Variants in CPD observed in about 807,000 individuals in gnomAD.
The protein encoded by CPD is carboxypeptidase D.
In CPD, 69 loss-of-function variants were observed where a neutral mutation model predicts 138.3. The observed-to-expected ratio is 0.50, with a 90% CI of 0.41 to 0.61. The LOEUF (loss-of-function observed/expected upper bound fraction) is 0.61, where lower values mean the gene tolerates loss of function less well. Ranked by LOEUF, CPD falls within the 20% of genes least tolerant of loss-of-function variation. The pLI is 0.00. For synonymous variants in CPD, 651 were observed against 642.1 expected, an observed-to-expected ratio of 1.01 and a Z score of -0.21; for missense variants, 1,432 against 1,733.3, an observed-to-expected ratio of 0.83 and a Z score of 3.09.
At chr17:30,399,196 C>T (rs548740867) in intron 2 of CPD, among the ~76,000 whole-genome samples, 1 of 152,094 alleles carries the variant, frequency 6.6e-6, no homozygotes, top group South Asian at 2.1e-4. Flanking sequence ...GTAAGTTTGA[C>T]CTAGGTCAAA....
Position 30,464,905 on chromosome 17 carries a change from TG to T in CPD, c.*92del. 3.0e-6 allele frequency: 3 copies of T among 1,007,860 alleles called. No homozygotes were observed. Among genetic ancestry groups the T allele is most frequent in the Non-Finnish European group, 4.5e-6 (3 of 660,616 alleles). The allele number at this position is 1,007,860 out of a possible 1,614,324, so 62.4% of individuals were successfully genotyped here. ...ACTGCATTAAGAAGAGAGACTCTCT[TG>T]CTTCTTCAAAGAGCTTTGGGAAATT... On this transcript the variant is annotated 3_prime_UTR_variant, in exon 21 of 21. Transcript: ENST00000225719.
intron 2 of CPD, among the ~76,000 whole-genome samples, chr17:30,399,042 T>A (rs897598777): frequency 2.6e-5 from 4 of 152,026 alleles, no homozygotes; most frequent in Non-Finnish European, 5.9e-5. Context: ...AATTGCCTTC[T>A]GAAAACAGTT....
intron 8 of CPD, among the ~76,000 whole-genome samples, chr17:30,434,675 G>C (rs1480559275): frequency 1.3e-5 from 2 of 152,020 alleles, no homozygotes; most frequent in East Asian, 3.9e-4. Flanking sequence ...TAGAAATGAA[G>C]AAGTGCTCCT....
chr17:30,437,950 T>C (rs1912748660), intron 8 of CPD, among the ~76,000 whole-genome samples: 1 of 150,362 alleles, frequency 6.7e-6, no homozygotes, highest in Admixed American at 6.6e-5. Flanking sequence ...TATTTTCCCA[T>C]CTCAGCCTCC....
chr17:30,466,541 C>T lies in CPD; in HGVS notation c.*1727C>T, dbSNP rs1156433877. The T allele has an allele frequency of 6.6e-6, 1 of 152,488 alleles. No individual in the cohort carries two copies. The highest frequency in any genetic ancestry group is 1.5e-5 in the Non-Finnish European group (1 of 68,002). 9.4% of individuals were successfully genotyped at this position (152,488 alleles called of 1,614,324 possible). On this transcript the variant is annotated 3_prime_UTR_variant, in exon 21 of 21. Coordinates refer to ENST00000225719, the MANE Select transcript of CPD (RefSeq NM_001304.5). ...CTGCCACCTCATACATGGAACAGAG[C>T]TTGTGGGATGCTAATAGTTAGTGAA...
At chr17:30,419,223 A>G (rs1409598924) in intron 2 of CPD, among the ~76,000 whole-genome samples, 1 of 152,110 alleles carries the variant, frequency 6.6e-6, no homozygotes, top group Non-Finnish European at 1.5e-5. Flanking sequence ...TTCTTTGATG[A>G]ACTCCTAATA....
chr17:30,444,906 G>A (rs776588767), intron 11 of CPD, among the ~76,000 whole-genome samples: 11 of 152,088 alleles, frequency 7.2e-5, no homozygotes, highest in Non-Finnish European at 1.6e-4. Flanking sequence ...CTAGTGGTCC[G>A]TAAATGAATG....
At chr17:30,421,396 C>T (rs1912262835) in intron 3 of CPD, among the ~76,000 whole-genome samples, 1 of 152,158 alleles carries the variant, frequency 6.6e-6, no homozygotes, top group Non-Finnish European at 1.5e-5. Context: ...CCAGCAGTTA[C>T]ACCTTGTTGA....
chr17:30,420,769 T>A (rs1177187250), intron 2 of CPD, 72 bp from the exon 3 acceptor site: 1 of 1,383,972 alleles, frequency 7.2e-7, no homozygotes, highest in African/African-American at 1.4e-5. Context: ...ATGGCTGATT[T>A]AATTTCTTCA....
intron 2 of CPD, among the ~76,000 whole-genome samples, chr17:30,418,729 C>T (rs1041641053): frequency 1.3e-5 from 2 of 152,088 alleles, no homozygotes; most frequent in South Asian, 2.1e-4. Flanking sequence ...AAACAAAACG[C>T]TTGGCGTTAT....
In CPD at chr17:30,449,623, C is replaced by G; in HGVS notation, c.2944C>G (p.Pro982Ala). The change falls in exon 13 of 21, where the codon CCT becomes GCT. Residue 982 changes from proline (P) to alanine (A), a missense_variant. Coordinates refer to ENST00000225719, the MANE Select transcript of CPD (RefSeq NM_001304.5). ...EISNKPNVSE[P>A]EEPKIRFVAG... is the part of the protein sequence containing the mutation. ...CTCCAATAAGCCCAATGTATCTGAG[C>G]CTGAAGAACCAAAGATTCGTTTTGT... 6.2e-7 allele frequency: 1 copy of G among 1,611,108 alleles called. No homozygotes were observed. Among genetic ancestry groups the G allele is most frequent in the Non-Finnish European group, 8.5e-7 (1 of 1,179,344 alleles).
At position 30,423,565 on chromosome 17, in the gene CPD, C is replaced by T; in HGVS notation, c.1717C>T (p.Leu573=). 6.2e-7 allele frequency: 1 copy of T among 1,610,122 alleles called. No individual in the cohort carries two copies. Among genetic ancestry groups the T allele is most frequent in the Non-Finnish European group, 8.5e-7 (1 of 1,178,418 alleles). ...TGGAAATGAAGTGGTTGGAAGAGAA[C>T]TGCTGTTGAACCTCATAGAATACCT... ...MHGNEVVGRE[L]LLNLIEYLCK... is the part of the protein sequence containing the mutation. The change falls in exon 6 of 21, where the codon CTG becomes TTG. Residue 573 remains leucine (L), a synonymous_variant. Transcript: ENST00000225719.
In CPD at chr17:30,455,485, A is replaced by G; in HGVS notation, c.3337+15A>G. 1 of 1,606,032 alleles carries G rather than the reference A, an allele frequency of 6.2e-7. No individual in the cohort carries two copies. The highest frequency in any genetic ancestry group is 1.1e-5 in the South Asian group (1 of 89,320). ...AGTACAGACAGGTATGTAGAATGTC[A>G]TTTTATATATATACTGTTTAAGCTT... On this transcript the variant is annotated intron_variant, in intron 15 of 20. Coordinates refer to ENST00000225719, the MANE Select transcript of CPD (RefSeq NM_001304.5).
At chr17:30,380,623 A>T (rs1012384049) in intron 1 of CPD, 1 of 1,516,470 alleles carries the variant, frequency 6.6e-7, no homozygotes, top group Non-Finnish European at 8.8e-7. Context: ...AAACAAGAGA[A>T]TGTTATAAAT....
intron 2 of CPD, among the ~76,000 whole-genome samples, chr17:30,406,556 T>G (rs977845525): frequency 2.6e-5 from 4 of 152,166 alleles, no homozygotes; most frequent in African/African-American, 9.6e-5. Flanking sequence ...TCTAAAATGT[T>G]ACTGTAAACT....
chr17:30,410,155 A>G (rs1911923355), intron 2 of CPD, among the ~76,000 whole-genome samples: 1 of 152,136 alleles, frequency 6.6e-6, no homozygotes, highest in Non-Finnish European at 1.5e-5. Context: ...GTTGCCATGT[A>G]GTTGTGTAGT....
chr17:30,423,755 A>G (rs956340468), intron 6 of CPD, 58 bp downstream of exon 6: 2 of 1,262,938 alleles, frequency 1.6e-6, no homozygotes, highest in African/African-American at 3.1e-5. Flanking sequence ...GATTATTTTG[A>G]TGGAGAAGAG....
intron 2 of CPD, among the ~76,000 whole-genome samples, chr17:30,416,165 A>G (rs1157758602): frequency 6.6e-6 from 1 of 152,120 alleles, no homozygotes; most frequent in African/African-American, 2.4e-5. Flanking sequence ...CCCTGTCTCT[A>G]CTAAAAAAAA....
At chr17:30,433,418 C>T (rs1444260528) in intron 8 of CPD, among the ~76,000 whole-genome samples, 1 of 152,096 alleles carries the variant, frequency 6.6e-6, no homozygotes, top group African/African-American at 2.4e-5. Context: ...AGACCATTAA[C>T]CCTTTTGATT....
Sources: allele counts gnomAD v4.1 joint callset (sites outside exome capture counted in the v4.1 genomes callset), GRCh38; gene constraint gnomAD v4.1.1; transcripts MANE v1.5; gene names NCBI Gene and HGNC (gene_info 2026-07-23, HGNC 2026-07-21).